GPAT4: variants seen among roughly 807,000 people sequenced by gnomAD.
GPAT4 encodes 1-AGP acyltransferase 6.
In GPAT4, 17 loss-of-function variants were observed where a neutral mutation model predicts 58.0. The observed-to-expected ratio is 0.29, with a 90% CI of 0.20 to 0.44. The LOEUF (loss-of-function observed/expected upper bound fraction) is 0.44. GPAT4 is among the 20% of genes least tolerant of loss of function. The probability of loss-of-function intolerance (pLI) is 1.00; values close to 1 mark genes in which losing one functional copy is unlikely to be tolerated. For synonymous variants in GPAT4, 204 were observed against 210.1 expected, an observed-to-expected ratio of 0.97 and a Z score of 0.25; for missense variants, 377 against 574.5, an observed-to-expected ratio of 0.66 and a Z score of 3.51.
At chr8:41,589,397 A>AGCCAGCAGGGGGCCTCTGAGC (rs1393897019) in intron 1 of GPAT4, among the ~76,000 whole-genome samples, 4 of 151,762 alleles carry the variant, frequency 2.6e-5, no homozygotes, top group African/African-American at 9.7e-5. Context: ...GGACTGGGAG[A>AGCCAGCAGGGGGCCTCTGAGC]GCCAGCAGGG....
chr8:41,593,137 AT>A (rs1369815357), intron 1 of GPAT4, among the ~76,000 whole-genome samples: 25 of 152,180 alleles, frequency 1.6e-4, no homozygotes, highest in Non-Finnish European at 1.5e-5. Context: ...TTTCAAGATT[AT>A]GCGTTTGGGC....
At chr8:41,587,849 C>T (rs1039490651) in intron 1 of GPAT4, among the ~76,000 whole-genome samples, 1 of 152,182 alleles carries the variant, frequency 6.6e-6, no homozygotes, top group South Asian at 2.1e-4. Flanking sequence ...CTAAATTGTT[C>T]TTTGTAGAGG....
At chr8:41,581,480 C>T (rs1187227178) in intron 1 of GPAT4, among the ~76,000 whole-genome samples, 1 of 152,196 alleles carries the variant, frequency 6.6e-6, no homozygotes, top group Non-Finnish European at 1.5e-5. Flanking sequence ...TAGAGATGGT[C>T]TTGATCTGTG....
intron 1 of GPAT4, among the ~76,000 whole-genome samples, chr8:41,582,254 T>C (rs1322670690): frequency 6.6e-6 from 1 of 151,944 alleles, no homozygotes; most frequent in Non-Finnish European, 1.5e-5. Context: ...TCCACCCACC[T>C]CAGCCTCCCA....
chr8:41,617,912 G>A (rs1803640805), intron 10 of GPAT4, among the ~76,000 whole-genome samples: 1 of 152,172 alleles, frequency 6.6e-6, no homozygotes, highest in Admixed American at 6.5e-5. Context: ...TGCTCCTTGC[G>A]CAACTTCCTC....
At chr8:41,620,481 C>T (rs971499515) in intron 12 of GPAT4, among the ~76,000 whole-genome samples, 1 of 152,200 alleles carries the variant, frequency 6.6e-6, no homozygotes, top group African/African-American at 2.4e-5. Context: ...CTGAATTAAA[C>T]AAATGACATT....
intron 2 of GPAT4, among the ~76,000 whole-genome samples, chr8:41,607,413 G>T (rs1350737302): frequency 6.6e-6 from 1 of 152,136 alleles, no homozygotes; most frequent in African/African-American, 2.4e-5. Context: ...CAGGCGTCTT[G>T]AATTTTGCAC....
chr8:41,615,427 G>A (rs541822852), intron 10 of GPAT4, among the ~76,000 whole-genome samples: 1 of 142,650 alleles, frequency 7.0e-6, no homozygotes, highest in South Asian at 2.3e-4. Flanking sequence ...CTGGATTTTT[G>A]CATTTTGGGG....
Position 41,614,520 on chromosome 8 carries a change from G to A in GPAT4, c.967+79G>A, listed in dbSNP as rs950685273. ...ATGCTGATGTTTCCTGGGAACCAAG[G>A]CCCTCAGCCCTTGTTGGGGTTATCT... is the stretch of plus-strand genomic sequence containing the variant. On this transcript the variant is annotated intron_variant, in intron 9 of 12. Transcript: ENST00000396987. The A allele has an allele frequency of 6.7e-5, 93 of 1,390,392 alleles. No individual in the cohort carries two copies. The East Asian group carries it at 2.0e-3, about 31-fold the overall frequency. 86.1% of individuals were successfully genotyped at this position (1,390,392 alleles called of 1,614,324 possible).
At chr8:41,597,334 A>G (rs1303550889) in intron 1 of GPAT4, among the ~76,000 whole-genome samples, 6 of 152,174 alleles carry the variant, frequency 3.9e-5, no homozygotes, top group Non-Finnish European at 5.9e-5. Context: ...TGAAGCCAAA[A>G]TATTTGCCAG....
rs980740347 is a variant in GPAT4, at chr8:41,622,911, T to G, written c.*1910T>G. The G allele has an allele frequency of 6.6e-6, 1 of 152,260 alleles. No homozygotes were observed. Among genetic ancestry groups the G allele is most frequent in the African/African-American group, 2.4e-5 (1 of 41,472 alleles). The allele number at this position is 152,260 out of a possible 1,614,324, so 9.4% of individuals were successfully genotyped here. On this transcript the variant is annotated 3_prime_UTR_variant, in exon 13 of 13. Coordinates refer to ENST00000396987, the MANE Select transcript of GPAT4 (RefSeq NM_178819.4). ...CTTTTATAGGTGATGTTTACAGTGT[T>G]TGTAAACCAACTGGAGGGATCAGTA... is the stretch of plus-strand genomic sequence containing the variant.
At chr8:41,618,562 G>C (rs946133398) in intron 10 of GPAT4, 122 bp from the exon 11 acceptor site, 1 of 1,270,044 alleles carries the variant, frequency 7.9e-7, no homozygotes, top group Non-Finnish European at 1.1e-6. Flanking sequence ...ACTCATGCAA[G>C]GTCAGGGAGC....
intron 1 of GPAT4, among the ~76,000 whole-genome samples, chr8:41,592,249 C>T (rs893360628): frequency 1.3e-5 from 2 of 152,116 alleles, no homozygotes; most frequent in Non-Finnish European, 2.9e-5. Context: ...TTGGCTTAAG[C>T]TCTATGCCCA....
In GPAT4 at chr8:41,599,040, C is replaced by T; in HGVS notation, c.-100C>T. On this transcript the variant is annotated 5_prime_UTR_variant, in exon 2 of 13. Coordinates refer to ENST00000396987, the MANE Select transcript of GPAT4 (RefSeq NM_178819.4). Reference sequence around the variant, plus strand: ...AATGGGGTTTGCTGTTCTTCGGGAACTTGCTTCCTTTCCCTGGCTGGTGCT... The same window carrying T: ...AATGGGGTTTGCTGTTCTTCGGGAATTTGCTTCCTTTCCCTGGCTGGTGCT... 6.8e-7 allele frequency: 1 copy of T among 1,466,598 alleles called. No homozygotes were observed. Among genetic ancestry groups the T allele is most frequent in the Non-Finnish European group, 9.2e-7 (1 of 1,091,446 alleles). The allele number at this position is 1,466,598 out of a possible 1,614,324, so 90.8% of individuals were successfully genotyped here.
At chr8:41,593,402 A>G (rs142309240) in intron 1 of GPAT4, among the ~76,000 whole-genome samples, 2 of 152,326 alleles carry the variant, frequency 1.3e-5, no homozygotes, top group Non-Finnish European at 2.9e-5. Context: ...TTTTGACTGG[A>G]TGTATACACT....
At chr8:41,584,927 A>C (rs1296474028) in intron 1 of GPAT4, 3 of 152,148 alleles carry the variant, frequency 2.0e-5, no homozygotes, top group Non-Finnish European at 4.4e-5. Flanking sequence ...TGTGAGTTGA[A>C]TCATCCTTTG....
chr8:41,603,633 T>C (rs1803168332), intron 2 of GPAT4, among the ~76,000 whole-genome samples: 1 of 151,886 alleles, frequency 6.6e-6, no homozygotes, highest in Non-Finnish European at 1.5e-5. Flanking sequence ...GTCCCAAGTA[T>C]GGACCTCAGT....
rs1563276962 is a variant in GPAT4, at chr8:41,609,492, T to A, written c.235+7T>A. The A allele has an allele frequency of 6.2e-7, 1 of 1,613,994 alleles. No homozygotes were observed. The highest frequency in any genetic ancestry group is 8.5e-7 in the Non-Finnish European group (1 of 1,179,872). ...TACAAGCCCTACACCAACGGTAAGA[T>A]GGGGGTGTGATCCTTGTCCTGAGAG... On this transcript the variant is annotated splice_region_variant and intron_variant, in intron 3 of 12. Transcript: ENST00000396987.
At chr8:41,611,001 T>C (rs1409746786) in intron 5 of GPAT4, among the ~76,000 whole-genome samples, 191 bp downstream of exon 5, 1 of 151,780 alleles carries the variant, frequency 6.6e-6, no homozygotes, top group Non-Finnish European at 1.5e-5. Context: ...CTGAGGTGGG[T>C]GGATCACCTG....
Sources: gnomAD v4.1 joint callset for allele counts (sites outside exome capture counted in the v4.1 genomes callset) on GRCh38, gnomAD v4.1.1 for gene constraint, MANE v1.5 for transcripts, NCBI Gene and HGNC (gene_info 2026-07-23, HGNC 2026-07-21) for gene names.